Variants in AP4E1 observed in about 807,000 individuals in gnomAD.
AP4E1 encodes the protein AP-4 complex subunit epsilon-1.
AP4E1 carries 56 observed loss-of-function variants against 128.2 expected under a neutral mutation model. The observed-to-expected ratio is 0.44, with a 90% CI of 0.35 to 0.55. The LOEUF (loss-of-function observed/expected upper bound fraction) is 0.55, where lower values mean the gene tolerates loss of function less well. AP4E1 is among the 20% of genes least tolerant of loss of function. The pLI, the probability that AP4E1 is intolerant of heterozygous loss-of-function variation, is 0.00. For missense variants in AP4E1, 1,324 were observed against 1,307.7 expected, an observed-to-expected ratio of 1.01 and a Z score of -0.19; for synonymous variants, 484 against 473.1, an observed-to-expected ratio of 1.02 and a Z score of -0.30.
intron 13 of AP4E1, among the ~76,000 whole-genome samples, chr15:50,951,725 T>TA (rs2064152678): frequency 7.1e-6 from 1 of 141,398 alleles, no homozygotes; most frequent in African/African-American, 2.8e-5. Context: ...TAATTTTCTT[T>TA]CTTTTTTTTT....
rs2140943600 is a variant in AP4E1 at position 51,004,659 on chromosome 15, C to A, written c.*1997C>A. The A allele has an allele frequency of 6.6e-6, 1 of 152,580 alleles. No individual in the cohort carries two copies. Among genetic ancestry groups the A allele is most frequent in the Non-Finnish European group, 1.5e-5 (1 of 68,022 alleles). The allele number at this position is 152,580 out of a possible 1,614,324, so 9.5% of individuals were successfully genotyped here. ...ATGGTGTCACTTTTGTTCTTTCTGA[C>A]CCACTAAATAAAAAGTAGTGTAACA... On this transcript the variant is annotated 3_prime_UTR_variant, in exon 21 of 21. Transcript: ENST00000261842.
chr15:50,929,097 C>A lies in AP4E1; in HGVS notation c.631C>A (p.Arg211=), dbSNP rs761528372. The change falls in exon 6 of 21, where the codon CGG becomes AGG. Residue 211 remains arginine (R), a synonymous_variant. Coordinates refer to ENST00000261842, the MANE Select transcript of AP4E1 (RefSeq NM_007347.5). ...NQVQHIHIKF[R]KALCDRDVGV... ...AGTACAACATATTCATATTAAGTTT[C>A]GGAAAGCACTTTGTGACAGAGATGT... 1.2e-6 allele frequency: 2 copies of A among 1,613,856 alleles called. No homozygotes were observed. Among genetic ancestry groups the A allele is most frequent in the Non-Finnish European group, 1.7e-6 (2 of 1,179,896 alleles).
Position 50,997,864 on chromosome 15 carries a change from T to C in AP4E1, c.2885T>C (p.Phe962Ser). 6.3e-7 allele frequency: 1 copy of C among 1,598,524 alleles called. No homozygotes were observed. The highest frequency in any genetic ancestry group is 2.2e-5 in the East Asian group (1 of 44,492). The change falls in exon 18 of 21, where the codon TTT becomes TCT. Residue 962 changes from phenylalanine to serine, a missense_variant. Transcript: ENST00000261842. ...LELKSADLEI[F>S]PAENFKVTEQ... ...TTGAAAAGTGCTGACTTAGAAATTTTTCCTGCAGAAAATTTCAAGGTAAAA... is the reference window on the plus strand; with the variant it reads ...TTGAAAAGTGCTGACTTAGAAATTTCTCCTGCAGAAAATTTCAAGGTAAAA...
At chr15:50,990,128 C>T (rs951423624) in intron 16 of AP4E1, among the ~76,000 whole-genome samples, 4 of 151,958 alleles carry the variant, frequency 2.6e-5, no homozygotes, top group South Asian at 2.1e-4. Flanking sequence ...TCAGAATTTA[C>T]ATCTATGTTT....
chr15:50,940,962 A>G (rs2063977854), intron 8 of AP4E1, among the ~76,000 whole-genome samples: 1 of 152,224 alleles, frequency 6.6e-6, no homozygotes, highest in African/African-American at 2.4e-5. Flanking sequence ...GAAATAAACT[A>G]CATACGCAAT....
At chr15:50,909,065 G>A in intron 1 of AP4E1, 137 bp downstream of exon 1, 1 of 1,373,790 alleles carries the variant, frequency 7.3e-7, no homozygotes, top group Non-Finnish European at 9.7e-7. Context: ...GTGTCGGTTC[G>A]TCCTTTCGTC....
intron 10 of AP4E1, chr15:50,946,123 T>C: frequency 1.9e-6 from 1 of 537,236 alleles, no homozygotes; most frequent in Non-Finnish European, 3.3e-6. Flanking sequence ...AGCTTTATTG[T>C]TGCTCCTTTT....
chr15:50,925,872 G>C (rs2063763846), intron 5 of AP4E1, among the ~76,000 whole-genome samples: 1 of 150,786 alleles, frequency 6.6e-6, no homozygotes. Context: ...TGATCCACCT[G>C]CCTCGGCCTC....
At chr15:50,988,318 G>T (rs1172032503) in intron 16 of AP4E1, among the ~76,000 whole-genome samples, 1 of 151,954 alleles carries the variant, frequency 6.6e-6, no homozygotes, top group African/African-American at 2.4e-5. Context: ...TTATTTTATT[G>T]TTATTATTTT....
chr15:51,001,165 C>T lies in AP4E1; in HGVS notation c.3235C>T (p.His1079Tyr). The change falls in exon 20 of 21, where the codon CAT becomes TAT. Residue 1079 changes from histidine to tyrosine, a missense_variant. His to Tyr is a moderately conservative substitution (Grantham distance 83, BLOSUM62 2). Coordinates refer to ENST00000261842, the MANE Select transcript of AP4E1 (RefSeq NM_007347.5). Reference protein sequence around the residue: ...LKTLQQKLRLHIIEIIGNEGL... With the variant: ...LKTLQQKLRLYIIEIIGNEGL... Reference sequence around the variant, plus strand: ...GACTCTGCAACAGAAACTAAGACTCCATATTATTGAGATTATAGGTTTGTA... The same window carrying T: ...GACTCTGCAACAGAAACTAAGACTCTATATTATTGAGATTATAGGTTTGTA... 1 of 1,613,436 alleles carries T rather than the reference C, an allele frequency of 6.2e-7. No homozygotes were observed. Among genetic ancestry groups the T allele is most frequent in the Non-Finnish European group, 8.5e-7 (1 of 1,179,692 alleles).
At chr15:50,945,402 C>T (rs1481603660) in intron 10 of AP4E1, 3 of 778,340 alleles carry the variant, frequency 3.9e-6, no homozygotes, top group Non-Finnish European at 4.8e-6. Flanking sequence ...TTTGTTGGAA[C>T]CCTATGGAAG....
Position 50,988,352 on chromosome 15 carries a change from T to C in AP4E1, c.2090+4207T>C, listed in dbSNP as rs530132368. 4.0e-4 allele frequency among the ~76,000 whole-genome samples: 61 copies of C among 152,296 alleles called. 1 individual carries two copies. In the South Asian group the frequency reaches 0.012, roughly 29 times the overall value. On this transcript the variant is annotated intron_variant, in intron 16 of 20. Coordinates refer to ENST00000261842, the MANE Select transcript of AP4E1 (RefSeq NM_007347.5). ...TTTTTGAGACACAATTTCACTCTTA[T>C]TGCCTAGGCTGGAGTGCAGTGGCAT...
chr15:50,976,295 A>C (rs2064549476), intron 15 of AP4E1, among the ~76,000 whole-genome samples: 1 of 152,218 alleles, frequency 6.6e-6, no homozygotes, highest in Non-Finnish European at 1.5e-5. Context: ...GTTCTCAATA[A>C]AAGCAGAAAA....
intron 3 of AP4E1, among the ~76,000 whole-genome samples, chr15:50,918,395 G>A (rs2063654848): frequency 6.6e-6 from 1 of 152,150 alleles, no homozygotes; most frequent in African/African-American, 2.4e-5. Flanking sequence ...GCTCTTTCTT[G>A]TTACTTGGCT....
At chr15:50,990,710 A>G (rs1158197665) in intron 16 of AP4E1, among the ~76,000 whole-genome samples, 1 of 152,134 alleles carries the variant, frequency 6.6e-6, no homozygotes, top group Non-Finnish European at 1.5e-5. Context: ...GATGGTCTGT[A>G]TGTATGCTTA....
rs2063768917 is a variant in AP4E1 at position 50,926,284 on chromosome 15, A to G, written c.542+1065A>G. On this transcript the variant is annotated intron_variant, in intron 5 of 20. Transcript: ENST00000261842. ...CCTGAGTAGCTGGAATTACAGGAAC[A>G]CGCCACCATGCCCAGCTAATTTTTT... Among the ~76,000 whole-genome samples, 7 of 151,016 alleles carry G rather than the reference A, an allele frequency of 4.6e-5. No homozygotes were observed. In the South Asian group the frequency reaches 1.3e-3, roughly 27 times the overall value.
At chr15:50,973,619 A>G (rs936915111) in intron 15 of AP4E1, among the ~76,000 whole-genome samples, 1 of 152,068 alleles carries the variant, frequency 6.6e-6, no homozygotes, top group African/African-American at 2.4e-5. Context: ...CCATTCCTCA[A>G]TCCTATGAAT....
intron 3 of AP4E1, among the ~76,000 whole-genome samples, chr15:50,920,830 C>G (rs186117530): frequency 6.6e-6 from 1 of 152,186 alleles, no homozygotes; most frequent in Non-Finnish European, 1.5e-5. Context: ...TGGAGTTTCG[C>G]TGTTGCATCC....
intron 13 of AP4E1, among the ~76,000 whole-genome samples, chr15:50,957,630 G>C (rs1221310812): frequency 7.0e-6 from 1 of 143,796 alleles, no homozygotes; most frequent in Non-Finnish European, 1.5e-5. Flanking sequence ...TTACAGGATT[G>C]TATGTCACCT....
Sources: allele counts gnomAD v4.1 joint callset (sites outside exome capture counted in the v4.1 genomes callset), GRCh38; gene constraint gnomAD v4.1.1; transcripts MANE v1.5; gene names NCBI Gene and HGNC (gene_info 2026-07-23, HGNC 2026-07-21).